The following AKAP12 variants were observed in gnomAD, a reference collection of about 807,000 sequenced individuals.
AKAP12 encodes the protein A-kinase anchor protein 12.
Under a neutral mutation model 79.9 loss-of-function variants are expected in AKAP12, and 32 were observed. The ratio of observed to expected loss-of-function variants is 0.40; its 90% confidence interval spans 0.30 to 0.54. AKAP12 has a LOEUF of 0.54. Ranked by LOEUF, AKAP12 falls within the 20% of genes least tolerant of loss-of-function variation. The pLI is 0.48. For missense variants in AKAP12, 2,074 were observed against 2,177.0 expected, an observed-to-expected ratio of 0.95 and a Z score of 0.94; for synonymous variants, 808 against 857.0, an observed-to-expected ratio of 0.94 and a Z score of 1.00.
intron 2 of AKAP12, among the ~76,000 whole-genome samples, chr6:151,275,294 T>C (rs987555356): frequency 6.6e-6 from 1 of 152,080 alleles, no homozygotes; most frequent in Non-Finnish European, 1.5e-5. Flanking sequence ...GAGGTTTGCA[T>C]TCGAGAGAGG....
In AKAP12 at chr6:151,350,847, C is replaced by A; in HGVS notation, c.2456C>A (p.Pro819Gln). The A allele has an allele frequency of 6.2e-7, 1 of 1,613,998 alleles. No homozygotes were observed. Among genetic ancestry groups the A allele is most frequent in the African/African-American group, 1.3e-5 (1 of 74,970 alleles). The change falls in exon 4 of 5, where the codon CCA becomes CAA. Residue 819 changes from proline (P) to glutamine (Q), a missense_variant. By Grantham distance (76) the Pro-to-Gln change is moderately conservative. Transcript: ENST00000402676. The surrounding 1 kb of genome is among the most constrained non-coding windows in gnomAD (Gnocchi z 4.8). ...ATTCCTGGACGAAGGAAGAAAAGGC[C>A]AGATGGGAAACAAGAACAAGCCCCT... is the stretch of plus-strand genomic sequence containing the variant. Reference protein sequence around the residue: ...KFIPGRRKKRPDGKQEQAPVE... With the variant: ...KFIPGRRKKRQDGKQEQAPVE...
intron 3 of AKAP12, among the ~76,000 whole-genome samples, chr6:151,306,122 T>C (rs1330749974): frequency 6.6e-6 from 1 of 152,240 alleles, no homozygotes; most frequent in Non-Finnish European, 1.5e-5. Flanking sequence ...CTTGATGCTT[T>C]TTAAATTATT....
At chr6:151,266,700 A>G (rs1033153219) in intron 2 of AKAP12, among the ~76,000 whole-genome samples, 1 of 152,206 alleles carries the variant, frequency 6.6e-6, no homozygotes, top group Admixed American at 6.5e-5. Context: ...TGTTTGCCAT[A>G]GCCTTGTCGA....
chr6:151,323,514 T>C (rs1263335739), intron 3 of AKAP12, among the ~76,000 whole-genome samples: 1 of 151,398 alleles, frequency 6.6e-6, no homozygotes, highest in African/African-American at 2.4e-5. Context: ...GATCGCGTCA[T>C]TGCACCCCAG....
chr6:151,282,758 A>G (rs1045308299), intron 2 of AKAP12, among the ~76,000 whole-genome samples: 3 of 152,148 alleles, frequency 2.0e-5, no homozygotes, highest in African/African-American at 7.2e-5. Context: ...TTGGTTGAAT[A>G]ATGTTTTCCC....
At chr6:151,319,269 C>T (rs140221499) in intron 3 of AKAP12, among the ~76,000 whole-genome samples, 66 of 152,104 alleles carry the variant, frequency 4.3e-4, no homozygotes, top group Middle Eastern at 3.4e-3. Context: ...TCCAGTTCAA[C>T]TGGACCATAA....
chr6:151,302,971 G>A (rs1367570638), intron 2 of AKAP12, among the ~76,000 whole-genome samples: 1 of 152,084 alleles, frequency 6.6e-6, no homozygotes, highest in Non-Finnish European at 1.5e-5. Context: ...TGAGGCGGGC[G>A]GATCAGCTGA....
intron 3 of AKAP12, chr6:151,325,216 G>T: frequency 1.0e-6 from 1 of 985,396 alleles, no homozygotes; most frequent in Non-Finnish European, 1.2e-6. Flanking sequence ...TGCTACAGAT[G>T]CCAAGAAGGG....
intron 3 of AKAP12, among the ~76,000 whole-genome samples, chr6:151,327,038 A>G (rs1185810703): frequency 6.6e-6 from 1 of 151,276 alleles, no homozygotes; most frequent in Non-Finnish European, 1.5e-5. Context: ...GATGGTCTCG[A>G]TCTCTTGACC....
intron 3 of AKAP12, among the ~76,000 whole-genome samples, chr6:151,347,011 T>G (rs551902841): frequency 5.6e-5 from 8 of 143,736 alleles, no homozygotes; most frequent in African/African-American, 2.4e-4. Flanking sequence ...ATCATTCTCT[T>G]TCTTTTTCTT....
In AKAP12 at chr6:151,353,352, A is replaced by T. The variant is rs1400715109; in HGVS notation, c.4961A>T (p.Gln1654Leu). ...VEVEGSTVND[Q>L]QLEEVVLPSE... ...GTAGAAGGTTCCACTGTAAATGATC[A>T]GCAGCTGGAAGAGGTCGTCCTCCCA... Residue 1654 changes from glutamine to leucine, a missense_variant, in exon 4 of 5, where the codon CAG becomes CTG. Coordinates refer to ENST00000402676, the MANE Select transcript of AKAP12 (RefSeq NM_005100.4). The T allele has an allele frequency of 6.2e-7, 1 of 1,614,102 alleles. No homozygotes were observed. Among genetic ancestry groups the T allele is most frequent in the Non-Finnish European group, 8.5e-7 (1 of 1,180,052 alleles).
chr6:151,240,630 C>G lies in AKAP12; in HGVS notation c.68C>G (p.Ala23Gly). 1 of 1,375,380 alleles carries G rather than the reference C, an allele frequency of 7.3e-7. No homozygotes were observed. The highest frequency in any genetic ancestry group is 9.4e-7 in the Non-Finnish European group (1 of 1,067,890). The allele number at this position is 1,375,380 out of a possible 1,614,324, so 85.2% of individuals were successfully genotyped here. ...EQPPEGSSTP[A>G]EPEPSGGGPS... is the part of the protein sequence containing the mutation. Reference sequence around the variant, plus strand: ...CCGCCCGAGGGGAGCTCCACGCCGGCTGAGCCCGAGCCCAGCGGCGGCGGC... The same window carrying G: ...CCGCCCGAGGGGAGCTCCACGCCGGGTGAGCCCGAGCCCAGCGGCGGCGGC... Residue 23 changes from alanine to glycine, a missense_variant, in exon 2 of 5, where the codon GCT becomes GGT. This residue lies in a region of AKAP12 where 1,428 missense variants were observed against 1,451.0 expected (regional missense o/e 0.98). Coordinates refer to ENST00000402676, the MANE Select transcript of AKAP12 (RefSeq NM_005100.4).
At chr6:151,249,805 A>T (rs537285112) in intron 2 of AKAP12, among the ~76,000 whole-genome samples, 3 of 152,348 alleles carry the variant, frequency 2.0e-5, no homozygotes, top group Admixed American at 6.5e-5. Flanking sequence ...GCATTGTGGG[A>T]GTGGCTAAAC....
chr6:151,335,898 T>A (rs1777800153), intron 3 of AKAP12, among the ~76,000 whole-genome samples: 1 of 152,204 alleles, frequency 6.6e-6, no homozygotes, highest in Non-Finnish European at 1.5e-5. Flanking sequence ...CTCAATACTA[T>A]TTTTCAACTC....
intron 3 of AKAP12, chr6:151,325,496 G>A (rs7757002): frequency 0.11 from 105,758 of 985,100 alleles, 7,036 homozygotes; most frequent in African/African-American, 0.31. Context: ...CAGCTCGGGG[G>A]AGGGCTTTAA....
chr6:151,251,224 G>A (rs1369448531), intron 2 of AKAP12, among the ~76,000 whole-genome samples: 3 of 152,198 alleles, frequency 2.0e-5, no homozygotes, highest in African/African-American at 7.2e-5. Context: ...GCAGCCCGTC[G>A]ATGTTAAGAG....
Position 151,349,329 on chromosome 6 carries a change from T to A in AKAP12, c.938T>A (p.Phe313Tyr). Residue 313 changes from phenylalanine to tyrosine, a missense_variant, in exon 4 of 5, where the codon TTC (phenylalanine) becomes TAC (tyrosine). By Grantham distance (22) the Phe-to-Tyr change is conservative (BLOSUM62 3). This residue lies in a region of AKAP12 where 1,428 missense variants were observed against 1,451.0 expected (regional missense o/e 0.98). Transcript: ENST00000402676. The part of the protein sequence containing the change: ...GWAGWRKKTS[F>Y]RKPKEDEVEA... ...GCCGGCTGGCGCAAAAAGACCAGTT[T>A]CAGGAAGCCGAAGGAGGATGAAGTG... 2 of 1,613,788 alleles carry A rather than the reference T, an allele frequency of 1.2e-6. No homozygotes were observed. The highest frequency in any genetic ancestry group is 1.7e-6 in the Non-Finnish European group (2 of 1,179,948).
chr6:151,342,967 T>C (rs1389679412), intron 3 of AKAP12, among the ~76,000 whole-genome samples: 1 of 152,156 alleles, frequency 6.6e-6, no homozygotes, highest in Non-Finnish European at 1.5e-5. Flanking sequence ...TTCACCACTT[T>C]GGCCAGCGTG....
chr6:151,287,377 T>A (rs1776527279), intron 2 of AKAP12, among the ~76,000 whole-genome samples: 1 of 152,038 alleles, frequency 6.6e-6, no homozygotes. Context: ...CCTCCCACCT[T>A]AGCCTCCTGA....
Sources: allele counts gnomAD v4.1 joint callset (sites outside exome capture counted in the v4.1 genomes callset), GRCh38; gene constraint gnomAD v4.1.1; regional missense constraint gnomAD v4.1.1; non-coding constraint Gnocchi (gnomAD v3.1); transcripts MANE v1.5; gene names NCBI Gene and HGNC (gene_info 2026-07-23, HGNC 2026-07-21).